SMIM36: variants seen among roughly 807,000 people sequenced by gnomAD.
SMIM36 encodes small integral membrane protein 36.
chr17:55,497,861 C>T (rs1336976859), intron 1 of SMIM36, among the ~76,000 whole-genome samples: 1 of 152,120 alleles, frequency 6.6e-6, no homozygotes. Flanking sequence ...GTAACTGACC[C>T]TAAAGAGCTT....
At chr17:55,451,966 C>G (rs956569635) in intron 4 of SMIM36, among the ~76,000 whole-genome samples, 4 of 151,702 alleles carry the variant, frequency 2.6e-5, no homozygotes, top group Non-Finnish European at 5.9e-5. Flanking sequence ...ATTAGACAGG[C>G]AAGGTGGTGG....
At chr17:55,464,554 A>G (rs1461524396) in intron 4 of SMIM36, among the ~76,000 whole-genome samples, 1 of 152,218 alleles carries the variant, frequency 6.6e-6, no homozygotes, top group African/African-American at 2.4e-5. Flanking sequence ...AGATAAATAC[A>G]TAAGGTATAA....
At chr17:55,488,091 G>A (rs1268970822) in intron 1 of SMIM36, among the ~76,000 whole-genome samples, 2 of 152,192 alleles carry the variant, frequency 1.3e-5, no homozygotes, top group East Asian at 1.9e-4. Flanking sequence ...GGTTGGCTGA[G>A]GGCAATGACA....
chr17:55,481,050 C>CT (rs1211014265), intron 1 of SMIM36, among the ~76,000 whole-genome samples: 1 of 152,076 alleles, frequency 6.6e-6, no homozygotes. Flanking sequence ...TTCTCTCTCT[C>CT]TGTCTCTTTC....
chr17:55,481,094 C>T (rs1218415636), intron 1 of SMIM36, among the ~76,000 whole-genome samples: 1 of 151,376 alleles, frequency 6.6e-6, no homozygotes, highest in African/African-American at 2.5e-5. Context: ...CTCTCTCTCT[C>T]TCTCCCTCTC....
At chr17:55,467,631 C>T (rs1031611732) in intron 3 of SMIM36, among the ~76,000 whole-genome samples, 18 of 152,236 alleles carry the variant, frequency 1.2e-4, no homozygotes, top group East Asian at 3.9e-4. Flanking sequence ...CTCCTGACCT[C>T]GTGATCCGCC....
At chr17:55,450,626 G>A (rs1006642587) in intron 4 of SMIM36, among the ~76,000 whole-genome samples, 1 of 152,164 alleles carries the variant, frequency 6.6e-6, no homozygotes, top group African/African-American at 2.4e-5. Context: ...GAGCCCAGAC[G>A]TGGAACCCGG....
intron 4 of SMIM36, among the ~76,000 whole-genome samples, chr17:55,460,961 G>A (rs1348026837): frequency 6.6e-6 from 1 of 152,210 alleles, no homozygotes; most frequent in Non-Finnish European, 1.5e-5. Flanking sequence ...GTGAGCTAAA[G>A]AGAAAATCTG....
chr17:55,490,634 G>C (rs1483186021), intron 1 of SMIM36, among the ~76,000 whole-genome samples: 1 of 152,136 alleles, frequency 6.6e-6, no homozygotes, highest in Non-Finnish European at 1.5e-5. Context: ...CATGCTATTT[G>C]TTCTTTCCTA....
At chr17:55,473,009 T>A (rs1296246926) in intron 3 of SMIM36, among the ~76,000 whole-genome samples, 4 of 152,052 alleles carry the variant, frequency 2.6e-5, no homozygotes, top group African/African-American at 9.7e-5. Flanking sequence ...CCTCTATCAC[T>A]CTCACCTACT....
chr17:55,463,229 A>G (rs143410674), intron 4 of SMIM36, among the ~76,000 whole-genome samples: 25 of 152,240 alleles, frequency 1.6e-4, no homozygotes, highest in African/African-American at 5.8e-4. Context: ...CTTAATTTAT[A>G]AATTAGGCAC....
At chr17:55,519,566 T>C in the SMIM36 span, among the ~76,000 whole-genome samples, 1 of 152,238 alleles carries the variant, frequency 6.6e-6, no homozygotes, top group South Asian at 2.1e-4. Flanking sequence ...TTAGAGTGTA[T>C]AGCAGAAGGG....
At chr17:55,477,922 T>C (rs139642271) in intron 3 of SMIM36, among the ~76,000 whole-genome samples, 31 of 152,002 alleles carry the variant, frequency 2.0e-4, no homozygotes, top group Middle Eastern at 3.4e-3. Context: ...CATATTCCCA[T>C]GTCCTAGTTA....
At chr17:55,487,117 C>T (rs185186871) in intron 1 of SMIM36, among the ~76,000 whole-genome samples, 22 of 151,632 alleles carry the variant, frequency 1.5e-4, no homozygotes, top group East Asian at 9.7e-4. Flanking sequence ...AACCAAACAC[C>T]GCATGTTCTC....
At chr17:55,509,516 G>A (rs1910143935) in intron 1 of SMIM36, among the ~76,000 whole-genome samples, 3 of 152,130 alleles carry the variant, frequency 2.0e-5, no homozygotes, top group African/African-American at 4.8e-5. Context: ...CCAGACACTC[G>A]TGTCTCTGTT....
At chr17:55,525,320 AATTG>A in the SMIM36 span, among the ~76,000 whole-genome samples, 2 of 152,136 alleles carry the variant, frequency 1.3e-5, no homozygotes, top group Non-Finnish European at 2.9e-5. Context: ...CTCATTGATT[AATTG>A]ATTGATTGAT....
At chr17:55,523,529 C>CAAAAAA in the SMIM36 span, among the ~76,000 whole-genome samples, 1 of 62,150 alleles carries the variant, frequency 1.6e-5, no homozygotes, top group African/African-American at 4.4e-5. Context: ...GACTCCGTCT[C>CAAAAAA]AAAAAAAAAA....
chr17:55,463,609 T>A (rs1909182796), intron 4 of SMIM36, among the ~76,000 whole-genome samples: 1 of 152,166 alleles, frequency 6.6e-6, no homozygotes, highest in African/African-American at 2.4e-5. Flanking sequence ...TGGTCTCTTA[T>A]TATACTGTAC....
chr17:55,474,877 C>T (rs1289258697), intron 3 of SMIM36, among the ~76,000 whole-genome samples: 5 of 152,084 alleles, frequency 3.3e-5, no homozygotes, highest in South Asian at 2.1e-4. Flanking sequence ...CTATGACACC[C>T]GGAAAACTTA....
Sources: allele counts gnomAD v4.1 joint callset (sites outside exome capture counted in the v4.1 genomes callset), GRCh38; gene constraint gnomAD v4.1.1; transcripts MANE v1.5; gene names NCBI Gene and HGNC (gene_info 2026-07-23, HGNC 2026-07-21).